Variants in FAM227B observed in about 807,000 individuals in gnomAD.
The protein encoded by FAM227B is family with sequence similarity 227 member B.
In FAM227B, 88 loss-of-function variants were observed where a neutral mutation model predicts 73.8. That is an observed-to-expected ratio of 1.19 (90% CI 1.00 to 1.42). The LOEUF (loss-of-function observed/expected upper bound fraction) is 1.42. FAM227B is among the 40% of genes most tolerant of loss of function. The pLI is 0.00. For synonymous variants in FAM227B, 210 were observed against 190.5 expected (o/e 1.10, Z -0.84); for missense variants, 632 against 590.9 (o/e 1.07, Z -0.72).
In FAM227B at chr15:49,571,932, T is replaced by C. The variant is rs949226270; in HGVS notation, c.645+3079A>G. 1.3e-4 allele frequency among the ~76,000 whole-genome samples: 20 copies of C among 152,050 alleles called. 1 individual carries two copies. Among genetic ancestry groups the C allele is most frequent in the Admixed American group, 9.2e-4 (14 of 15,240 alleles). Reference sequence around the variant, plus strand: ...GGATTGCATTGATTCTGTAGGTTGCTTTGGGTAGTATAGACATTTTAATAA... The same window carrying C: ...GGATTGCATTGATTCTGTAGGTTGCCTTGGGTAGTATAGACATTTTAATAA... On this transcript the variant is annotated intron_variant, in intron 8 of 15. Transcript: ENST00000299338.
intron 9 of FAM227B, among the ~76,000 whole-genome samples, chr15:49,550,522 C>G (rs1283715237): frequency 6.6e-6 from 1 of 150,712 alleles, no homozygotes; most frequent in East Asian, 2.0e-4. Context: ...CCTCACTTCT[C>G]AGATGGGCGG....
chr15:49,554,517 G>A (rs2073425307), intron 9 of FAM227B, among the ~76,000 whole-genome samples: 1 of 152,134 alleles, frequency 6.6e-6, no homozygotes, highest in Non-Finnish European at 1.5e-5. Flanking sequence ...TGGTTTAAAT[G>A]CTCCCTCTGT....
At chr15:49,592,913 G>C (rs8026895) in intron 3 of FAM227B, among the ~76,000 whole-genome samples, 9,476 of 152,106 alleles carry the variant, frequency 0.062, 1,046 homozygotes, top group African/African-American at 0.22. Context: ...CCCCTCCCCC[G>C]ACCAGGCTTC....
Position 49,600,136 on chromosome 15 carries a change from T to C in FAM227B, c.106-10129A>G, listed in dbSNP as rs79563163. Among the ~76,000 whole-genome samples the C allele has an allele frequency of 9.5e-3, 1,451 of 152,250 alleles. 11 individuals carry two copies. The highest frequency in any genetic ancestry group is 0.017 in the Non-Finnish European group (1,140 of 67,990). Reference sequence around the variant, plus strand: ...ACAATTGTTAGACACTCTTTGCAAATTGACCCTTTTATTATTATATGAATA... The same window carrying C: ...ACAATTGTTAGACACTCTTTGCAAACTGACCCTTTTATTATTATATGAATA... On this transcript the variant is annotated intron_variant, in intron 3 of 15. Coordinates refer to ENST00000299338, the MANE Select transcript of FAM227B (RefSeq NM_152647.3).
At chr15:49,437,845 G>GT (rs987486003) in intron 11 of FAM227B, among the ~76,000 whole-genome samples, 13 of 151,640 alleles carry the variant, frequency 8.6e-5, no homozygotes, top group African/African-American at 3.1e-4. Context: ...AGTAAGTACT[G>GT]TGAAAAAGGT....
intron 13 of FAM227B, among the ~76,000 whole-genome samples, chr15:49,338,210 G>A (rs917692547): frequency 9.9e-5 from 15 of 152,144 alleles, no homozygotes; most frequent in African/African-American, 3.4e-4. Context: ...TAATTATGTA[G>A]TTTCTTTATA....
intron 11 of FAM227B, among the ~76,000 whole-genome samples, chr15:49,383,409 G>A (rs1225382651): frequency 6.6e-6 from 1 of 151,956 alleles, no homozygotes; most frequent in Non-Finnish European, 1.5e-5. Flanking sequence ...ATTAAGGTAT[G>A]CACTTTTTAT....
chr15:49,563,527 T>G (rs946795505), intron 9 of FAM227B, among the ~76,000 whole-genome samples: 1 of 152,018 alleles, frequency 6.6e-6, no homozygotes, highest in African/African-American at 2.4e-5. Context: ...AGAGCCCAAA[T>G]AGCCAAAGCA....
intron 11 of FAM227B, among the ~76,000 whole-genome samples, chr15:49,459,817 C>T (rs892452232): frequency 6.6e-6 from 1 of 152,144 alleles, no homozygotes; most frequent in African/African-American, 2.4e-5. Flanking sequence ...CTCTTTCCAA[C>T]TCCACATTCA....
intron 3 of FAM227B, among the ~76,000 whole-genome samples, chr15:49,604,216 T>C (rs556548853): frequency 1.3e-5 from 2 of 152,320 alleles, no homozygotes; most frequent in South Asian, 4.1e-4. Context: ...TGTTCTTCAT[T>C]TGAACTTGAA....
chr15:49,410,516 G>A (rs1329135079), intron 11 of FAM227B, among the ~76,000 whole-genome samples: 2 of 151,992 alleles, frequency 1.3e-5, no homozygotes, highest in East Asian at 3.8e-4. Flanking sequence ...CACATAAGTT[G>A]TGTCATTTCA....
intron 11 of FAM227B, among the ~76,000 whole-genome samples, chr15:49,414,416 A>G (rs948541249): frequency 1.3e-5 from 2 of 151,718 alleles, no homozygotes; most frequent in Non-Finnish European, 2.9e-5. Context: ...GGAGGGGGGA[A>G]ATCTCCCTAC....
intron 11 of FAM227B, chr15:49,424,125 T>C: frequency 1.8e-6 from 1 of 541,176 alleles, no homozygotes; most frequent in African/African-American, 1.9e-5. Flanking sequence ...AGGAATCCTG[T>C]GTTGTTATCA....
intron 12 of FAM227B, among the ~76,000 whole-genome samples, chr15:49,368,454 T>C (rs1486462922): frequency 6.6e-6 from 1 of 152,210 alleles, no homozygotes; most frequent in African/African-American, 2.4e-5. Flanking sequence ...TTTTATTCTA[T>C]AGGTTTTTGC....
At chr15:49,425,758 A>T (rs977713890) in intron 11 of FAM227B, among the ~76,000 whole-genome samples, 16 of 151,856 alleles carry the variant, frequency 1.1e-4, no homozygotes, top group Non-Finnish European at 1.2e-4. Flanking sequence ...ACCATAATTG[A>T]TATAGAATGT....
intron 5 of FAM227B, among the ~76,000 whole-genome samples, chr15:49,582,163 C>A (rs1052830018): frequency 7.2e-5 from 11 of 152,126 alleles, no homozygotes; most frequent in South Asian, 2.1e-4. Context: ...GGGCTAAATG[C>A]CCCCGTTAAA....
chr15:49,422,951 T>C (rs2151742690), intron 11 of FAM227B: 1 of 366,438 alleles, frequency 2.7e-6, no homozygotes, highest in East Asian at 4.3e-5. Flanking sequence ...TATGTTCAAA[T>C]GAATAATTTT....
At chr15:49,334,933 C>A (rs2039442181) in intron 14 of FAM227B, among the ~76,000 whole-genome samples, 2 of 152,334 alleles carry the variant, frequency 1.3e-5, no homozygotes, top group South Asian at 4.1e-4. Context: ...ATTACCATGA[C>A]TGACCACAAG....
intron 9 of FAM227B, among the ~76,000 whole-genome samples, chr15:49,562,914 G>T (rs902678140): frequency 1.3e-5 from 2 of 151,864 alleles, no homozygotes; most frequent in African/African-American, 4.8e-5. Context: ...CAAAAGCTGG[G>T]AGCATTCCCC....
Sources: gnomAD v4.1 joint callset for allele counts (sites outside exome capture counted in the v4.1 genomes callset) on GRCh38, gnomAD v4.1.1 for gene constraint, MANE v1.5 for transcripts, NCBI Gene and HGNC (gene_info 2026-07-23, HGNC 2026-07-21) for gene names.